AGR2: variants seen among roughly 807,000 people sequenced by gnomAD.
AGR2 encodes the protein anterior gradient protein 2 homolog.
A neutral mutation model predicts 25.9 loss-of-function variants in AGR2; 27 were observed. That is an observed-to-expected ratio of 1.04 (90% CI 0.77 to 1.44). AGR2 has a LOEUF of 1.44. Ranked by LOEUF, AGR2 falls within the 40% of genes most tolerant of loss-of-function variation. The pLI is 0.00. For synonymous variants in AGR2, 78 were observed against 72.0 expected, an observed-to-expected ratio of 1.08 and a Z score of -0.42; for missense variants, 182 against 200.9, an observed-to-expected ratio of 0.91 and a Z score of 0.57.
rs1390284635 is a variant in AGR2 at position 16,801,651 on chromosome 7, C to T, written c.139+7G>A. ...CAGTTGGAAGCCAACAAGAAGCTGA[C>T]TCCTACCTCTGGAGAGGGTCTGGGG... On this transcript the variant is annotated splice_region_variant and intron_variant, in intron 2 of 7. Transcript: ENST00000419304. 2 of 1,613,730 alleles carry T rather than the reference C, an allele frequency of 1.2e-6. No homozygotes were observed. The highest frequency in any genetic ancestry group is 1.3e-5 in the African/African-American group (1 of 74,816).
rs746388009 is a variant in AGR2 at position 16,793,089 on chromosome 7, C to T, written c.479-132G>A. 8.9e-5 allele frequency: 72 copies of T among 804,732 alleles called. No homozygotes were observed. The Middle Eastern group carries it at 1.2e-3, about 14-fold the overall frequency. 49.8% of individuals were successfully genotyped at this position (804,732 alleles called of 1,614,324 possible). Reference sequence around the variant, plus strand: ...TTTTTGAGACAAGGTCTCACTCCCACTCAGGCTGGCATGCAGTGGTGCAAT... The same window carrying T: ...TTTTTGAGACAAGGTCTCACTCCCATTCAGGCTGGCATGCAGTGGTGCAAT... On this transcript the variant is annotated intron_variant, in intron 7 of 7. Transcript: ENST00000419304.
chr7:16,795,080 A>T (rs780833104), intron 6 of AGR2, 61 bp from the exon 7 acceptor site: 14 of 1,575,566 alleles, frequency 8.9e-6, no homozygotes, highest in Admixed American at 5.1e-5. Context: ...ACCTGTATTT[A>T]TTGCCCCGGG....
At chr7:16,794,795 AG>A (rs1785015702) in intron 7 of AGR2, 140 bp downstream of exon 7, 1 of 1,522,760 alleles carries the variant, frequency 6.6e-7, no homozygotes. Flanking sequence ...TGAAGATGCA[AG>A]GCTAGTTAGG....
intron 5 of AGR2, among the ~76,000 whole-genome samples, chr7:16,799,268 G>A (rs575143183): frequency 1.3e-5 from 2 of 152,226 alleles, no homozygotes; most frequent in South Asian, 2.1e-4. Context: ...TGAAACATTT[G>A]TATACAGTAA....
intron 5 of AGR2, among the ~76,000 whole-genome samples, chr7:16,799,190 C>T (rs939193273): frequency 6.6e-6 from 1 of 151,844 alleles, no homozygotes; most frequent in African/African-American, 2.4e-5. Context: ...GAGGAAGGGC[C>T]GGAGGGCTCA....
chr7:16,800,935 T>A (rs1007350558), intron 4 of AGR2, among the ~76,000 whole-genome samples: 2 of 152,212 alleles, frequency 1.3e-5, no homozygotes, highest in Non-Finnish European at 2.9e-5. Context: ...ATCAAGAAGT[T>A]GAAGATGAAT....
chr7:16,795,318 GT>G lies in AGR2; in HGVS notation c.395-300del, dbSNP rs76582218. 5.0e-3 allele frequency among the ~76,000 whole-genome samples: 689 copies of G among 139,060 alleles called. 3 individuals are homozygous for G. Among genetic ancestry groups the G allele is most frequent in the East Asian group, 0.041 (202 of 4,898 alleles). The allele number at this position is 139,060 out of a possible 152,430, so 91.2% of individuals were successfully genotyped here. A position where few individuals can be genotyped will look rare whatever the true frequency, so the allele number is the denominator to read the frequency against. ...AATATATATTTAGGGGTGACATGGT[GT>G]TTTTTTTTTTTTTGGTGAAAACATT... is the stretch of plus-strand genomic sequence containing the variant. On this transcript the variant is annotated intron_variant, in intron 6 of 7. Coordinates refer to ENST00000419304, the MANE Select transcript of AGR2 (RefSeq NM_006408.4).
chr7:16,802,112 C>G (rs1268802062), intron 1 of AGR2, among the ~76,000 whole-genome samples: 1 of 151,922 alleles, frequency 6.6e-6, no homozygotes, highest in African/African-American at 2.4e-5. Flanking sequence ...CCACGGTCAA[C>G]CGCGTCCAAA....
intron 7 of AGR2, 101 bp from the exon 8 acceptor site, chr7:16,793,058 C>CT (rs112853365): frequency 3.8e-3 from 3,804 of 990,254 alleles, no homozygotes; most frequent in Non-Finnish European, 4.3e-3. Flanking sequence ...TAATGGGATG[C>CT]TTTTTTTTTT....
At chr7:16,804,170 G>A (rs1442050084) in intron 1 of AGR2, among the ~76,000 whole-genome samples, 1 of 151,542 alleles carries the variant, frequency 6.6e-6, no homozygotes, top group Non-Finnish European at 1.5e-5. Flanking sequence ...TTTTCGTAAT[G>A]TGAATAGATT....
At chr7:16,793,590 T>G (rs1007409896) in intron 7 of AGR2, among the ~76,000 whole-genome samples, 1 of 152,218 alleles carries the variant, frequency 6.6e-6, no homozygotes, top group African/African-American at 2.4e-5. Context: ...TTAGTAGGTG[T>G]GTGTAAATTG....
intron 2 of AGR2, 23 bp downstream of exon 2, chr7:16,801,635 G>A (rs768705738): frequency 6.2e-7 from 1 of 1,613,874 alleles, no homozygotes; most frequent in Admixed American, 1.7e-5. Context: ...GCAGTTGGAA[G>A]CCAACAAGAA....
Position 16,804,938 on chromosome 7 carries a change from G to A in AGR2, c.-11C>T, listed in dbSNP as rs1285746931. The stretch of plus-strand genomic sequence containing the variant: ...AAGCTGCTGTCAGGAGCCTTACCTG[G>A]ATTTCCTCACCCACCTGCCTTGTGT... On this transcript the variant is annotated 5_prime_UTR_variant, in exon 1 of 8. Transcript: ENST00000419304. The A allele has an allele frequency of 2.6e-5, 4 of 152,356 alleles. No homozygotes were observed. Among genetic ancestry groups the A allele is most frequent in the Non-Finnish European group, 5.9e-5 (4 of 68,104 alleles). 9.4% of individuals were successfully genotyped at this position (152,356 alleles called of 1,614,324 possible). A position where few individuals can be genotyped will look rare whatever the true frequency, so the allele number is the denominator to read the frequency against.
chr7:16,792,995 C>G (rs142501977), intron 7 of AGR2, 38 bp from the exon 8 acceptor site: 1 of 1,580,544 alleles, frequency 6.3e-7, no homozygotes, highest in Non-Finnish European at 8.7e-7. Flanking sequence ...AAGACACCAT[C>G]GTGCGTTATA....
chr7:16,801,348 C>T lies in AGR2; in HGVS notation c.175G>A (p.Glu59Lys). The change falls in exon 3 of 8, where the codon GAA (glutamate) becomes AAA (lysine). Residue 59 changes from glutamate to lysine, a missense_variant. Glu to Lys is a moderately conservative substitution (Grantham distance 56, BLOSUM62 1). Coordinates refer to ENST00000419304, the MANE Select transcript of AGR2 (RefSeq NM_006408.4). The part of the protein sequence containing the change: ...GDQLIWTQTY[E>K]EALYKSKTSN... ...GTCTTGGATTTATATAGAGCTTCTT[C>T]ATATGTCTGAGTCCAGATGAGTTGG... is the stretch of plus-strand genomic sequence containing the variant. 6.2e-7 allele frequency: 1 copy of T among 1,613,696 alleles called. No homozygotes were observed. The highest frequency in any genetic ancestry group is 8.5e-7 in the Non-Finnish European group (1 of 1,179,812).
intron 1 of AGR2, among the ~76,000 whole-genome samples, chr7:16,803,700 G>A (rs762301692): frequency 2.0e-5 from 3 of 152,090 alleles, no homozygotes; most frequent in Non-Finnish European, 2.9e-5. Context: ...AATAACTTTT[G>A]TCTTCTAGAG....
chr7:16,793,022 C>T, intron 7 of AGR2, 65 bp from the exon 8 acceptor site: 1 of 1,438,336 alleles, frequency 7.0e-7, no homozygotes, highest in Non-Finnish European at 9.8e-7. Flanking sequence ...TAATAAACCC[C>T]AAACTTGGAT....
At chr7:16,804,176 A>G (rs1785196054) in intron 1 of AGR2, among the ~76,000 whole-genome samples, 1 of 150,170 alleles carries the variant, frequency 6.7e-6, no homozygotes, top group Non-Finnish European at 1.5e-5. Context: ...TAATGTGAAT[A>G]GATTCTGCTC....
chr7:16,799,290 C>G (rs902158924), intron 5 of AGR2, among the ~76,000 whole-genome samples: 2 of 152,008 alleles, frequency 1.3e-5, no homozygotes, highest in Non-Finnish European at 1.5e-5. Context: ...AAGAACTTGC[C>G]GAGACAGAAA....
Sources: gnomAD v4.1 joint callset for allele counts (sites outside exome capture counted in the v4.1 genomes callset) on GRCh38, gnomAD v4.1.1 for gene constraint, MANE v1.5 for transcripts, NCBI Gene and HGNC (gene_info 2026-07-23, HGNC 2026-07-21) for gene names.